NOX4: variants seen among roughly 807,000 people sequenced by gnomAD.
NOX4 encodes NADPH oxidase 4.
NOX4 carries 69 observed loss-of-function variants against 87.6 expected under a neutral mutation model. The observed-to-expected ratio is 0.79, with a 90% confidence interval of 0.65 to 0.96. The LOEUF (loss-of-function observed/expected upper bound fraction) is 0.96, where lower values mean the gene tolerates loss of function less well. Among genes scored for constraint, NOX4 ranks in the 40% least tolerant of loss-of-function variants. The pLI, the probability that NOX4 is intolerant of heterozygous loss-of-function variation, is 0.00. For synonymous variants in NOX4, 275 were observed against 238.2 expected (o/e 1.15, Z -1.42); for missense variants, 680 against 681.5 (o/e 1.00, Z 0.02).
intron 12 of NOX4, among the ~76,000 whole-genome samples, chr11:89,357,916 G>A (rs962462401): frequency 3.3e-5 from 5 of 151,798 alleles, no homozygotes; most frequent in Admixed American, 6.6e-5. Context: ...AGATGCACAC[G>A]TGTGTGTGCA....
At chr11:89,348,586 C>T (rs1314675087) in intron 13 of NOX4, among the ~76,000 whole-genome samples, 1 of 152,136 alleles carries the variant, frequency 6.6e-6, no homozygotes, top group Non-Finnish European at 1.5e-5. Flanking sequence ...CACTGCACTA[C>T]AGCGTGGGTG....
the NOX4 span, among the ~76,000 whole-genome samples, chr11:89,553,122 C>A: frequency 6.6e-6 from 1 of 152,132 alleles, no homozygotes; most frequent in African/African-American, 2.4e-5. Flanking sequence ...AGAATTCCAA[C>A]ACAGACAAGA....
At chr11:89,487,039 CT>C (rs1163833313) in intron 2 of NOX4, among the ~76,000 whole-genome samples, 1 of 151,978 alleles carries the variant, frequency 6.6e-6, no homozygotes, top group African/African-American at 2.4e-5. Context: ...CTTTATGTTT[CT>C]GTTGGGCAGC....
At chr11:89,464,550 C>T (rs892671108) in intron 2 of NOX4, among the ~76,000 whole-genome samples, 1 of 152,142 alleles carries the variant, frequency 6.6e-6, no homozygotes, top group African/African-American at 2.4e-5. Context: ...ATAAGCTTCA[C>T]AAGCATCAGT....
At chr11:89,540,786 T>TAAAAAAAAAAAA in the NOX4 span, among the ~76,000 whole-genome samples, 12 of 43,520 alleles carry the variant, frequency 2.8e-4, no homozygotes, top group Non-Finnish European at 3.8e-4. Flanking sequence ...AGACTCCGTC[T>TAAAAAAAAAAAA]AAAAAAAAAA....
At chr11:89,352,147 T>G (rs1380901769) in intron 13 of NOX4, among the ~76,000 whole-genome samples, 2 of 152,124 alleles carry the variant, frequency 1.3e-5, no homozygotes, top group African/African-American at 4.8e-5. Context: ...AATGAGAAAT[T>G]ACTTATTGCA....
chr11:89,574,938 C>A, the NOX4 span, among the ~76,000 whole-genome samples: 13 of 152,198 alleles, frequency 8.5e-5, no homozygotes, highest in African/African-American at 2.4e-5. Flanking sequence ...AATCCCAGCA[C>A]TTTGGGAGGC....
At chr11:89,580,598 G>A in the NOX4 span, among the ~76,000 whole-genome samples, 1 of 152,064 alleles carries the variant, frequency 6.6e-6, no homozygotes, top group Non-Finnish European at 1.5e-5. Flanking sequence ...TTATTCTTGG[G>A]CAAAATCATT....
At chr11:89,560,793 C>T in the NOX4 span, among the ~76,000 whole-genome samples, 1 of 151,476 alleles carries the variant, frequency 6.6e-6, no homozygotes, top group East Asian at 2.0e-4. Context: ...ACACCAGCAA[C>T]TCCCTGAGTT....
rs768027833 is a variant in NOX4 at position 89,421,957 on chromosome 11, A to G, written c.574T>C (p.Tyr192His). ...AAGACAAAGAAGAGGTTATGAGTAT[A>G]CCAGAAGATATCATAGTTAGAAACT... is the stretch of plus-strand genomic sequence containing the variant. The part of the protein sequence containing the change: ...IRVSNYDIFW[Y>H]THNLFFVFYM... The change falls in exon 8 of 18, where the codon TAT becomes CAT. Residue 192 changes from tyrosine (Y) to histidine (H), a missense_variant. Tyr to His is a moderately conservative substitution (Grantham distance 83). Coordinates refer to ENST00000263317, the MANE Select transcript of NOX4 (RefSeq NM_016931.5). 1.9e-6 allele frequency: 3 copies of G among 1,556,592 alleles called. No homozygotes were observed. In the South Asian group the frequency reaches 3.7e-5, roughly 19 times the overall value.
chr11:89,430,413 C>T (rs1008822007), intron 7 of NOX4, among the ~76,000 whole-genome samples: 10 of 152,056 alleles, frequency 6.6e-5, no homozygotes, highest in Admixed American at 2.0e-4. Context: ...GAAGTCAAAT[C>T]GTCCCTGTTT....
intron 8 of NOX4, among the ~76,000 whole-genome samples, chr11:89,405,761 A>C (rs867126389): frequency 0.017 from 2,535 of 151,840 alleles, 70 homozygotes; most frequent in African/African-American, 0.058. Context: ...AGAAAAAAAA[A>C]AAAAAACTTG....
At chr11:89,573,790 C>G in the NOX4 span, among the ~76,000 whole-genome samples, 72 of 152,272 alleles carry the variant, frequency 4.7e-4, no homozygotes, top group African/African-American at 1.7e-3. Flanking sequence ...CAGCTGTCAT[C>G]CTAGGACTTT....
intron 2 of NOX4, among the ~76,000 whole-genome samples, chr11:89,481,348 T>G (rs1396926844): frequency 6.6e-6 from 1 of 151,244 alleles, no homozygotes; most frequent in Non-Finnish European, 1.5e-5. Flanking sequence ...CTAATTACCA[T>G]TATTTAATAT....
upstream of NOX4, among the ~76,000 whole-genome samples, chr11:89,501,230 C>G (rs1565360743): frequency 6.6e-6 from 1 of 152,048 alleles, no homozygotes; most frequent in Non-Finnish European, 1.5e-5. Flanking sequence ...TGGAAAATCT[C>G]TCTGCCTGTG....
rs1308012447 is a variant in NOX4 at position 89,325,923 on chromosome 11, GTATA to G, written c.*829_*832del. ...TATATATATATATGTGTGTGTGTGT[GTATA>G]TATATATGTGTATATACATATATAT... On this transcript the variant is annotated 3_prime_UTR_variant, in exon 18 of 18. Coordinates refer to ENST00000263317, the MANE Select transcript of NOX4 (RefSeq NM_016931.5). 4 of 136,166 alleles carry G rather than the reference GTATA, an allele frequency of 2.9e-5. No homozygotes were observed. Among genetic ancestry groups the G allele is most frequent in the African/African-American group, 7.9e-5 (3 of 37,916 alleles). 8.4% of individuals were successfully genotyped at this position (136,166 alleles called of 1,614,324 possible).
At chr11:89,425,519 G>A (rs771714467) in intron 7 of NOX4, among the ~76,000 whole-genome samples, 1 of 151,384 alleles carries the variant, frequency 6.6e-6, no homozygotes, top group South Asian at 2.1e-4. Flanking sequence ...TCAGTAAAGA[G>A]AATAATAACA....
At chr11:89,507,321 A>G in the NOX4 span, among the ~76,000 whole-genome samples, 3 of 151,728 alleles carry the variant, frequency 2.0e-5, no homozygotes, top group Non-Finnish European at 4.4e-5. Flanking sequence ...AGATGTTTTA[A>G]TGTTAACTAT....
chr11:89,482,547 G>A (rs1946432148), intron 2 of NOX4, among the ~76,000 whole-genome samples: 1 of 152,002 alleles, frequency 6.6e-6, no homozygotes, highest in Non-Finnish European at 1.5e-5. Context: ...GTCAAGGAGA[G>A]AGGCCCTCAG....
Sources: gnomAD v4.1 joint callset for allele counts (sites outside exome capture counted in the v4.1 genomes callset) on GRCh38, gnomAD v4.1.1 for gene constraint, MANE v1.5 for transcripts, NCBI Gene and HGNC (gene_info 2026-07-23, HGNC 2026-07-21) for gene names.